GGA2: variants seen among roughly 807,000 people sequenced by gnomAD.
The protein encoded by GGA2 is golgi associated, gamma adaptin ear containing, ARF binding protein 2.
A neutral mutation model predicts 79.5 loss-of-function variants in GGA2; 48 were observed. That is an observed-to-expected ratio of 0.60 (90% CI 0.48 to 0.77). The LOEUF (loss-of-function observed/expected upper bound fraction) is 0.77, where lower values mean the gene tolerates loss of function less well. Among genes scored for constraint, GGA2 ranks in the 30% least tolerant of loss-of-function variants. GGA2 has a pLI of 0.00. For synonymous variants in GGA2, 317 were observed against 302.0 expected, an observed-to-expected ratio of 1.05 and a Z score of -0.51; for missense variants, 770 against 774.0, an observed-to-expected ratio of 0.99 and a Z score of 0.06.
chr16:23,472,887 A>T (rs1964528774), intron 14 of GGA2, among the ~76,000 whole-genome samples: 2 of 151,646 alleles, frequency 1.3e-5, no homozygotes, highest in South Asian at 4.2e-4. Flanking sequence ...ACAAAAAAGT[A>T]GCTGGGCGTG....
intron 14 of GGA2, 120 bp downstream of exon 14, chr16:23,474,784 C>T: frequency 1.3e-6 from 1 of 769,136 alleles, no homozygotes; most frequent in Non-Finnish European, 2.3e-6. Flanking sequence ...CATGCAAAAT[C>T]TCTCCCATTT....
exon 1 of GGA2, chr16:23,521,991 GAA>G: frequency 3.4e-6 from 1 of 294,060 alleles, no homozygotes; most frequent in Non-Finnish European, 6.8e-6. Flanking sequence ...ATCTGTAACA[GAA>G]AAAAAAAATA....
At chr16:23,519,138 G>A (rs1965120803) in intron 2 of GGA2, among the ~76,000 whole-genome samples, 1 of 150,060 alleles carries the variant, frequency 6.7e-6, no homozygotes, top group African/African-American at 2.5e-5. Context: ...ACCTCCCTGG[G>A]CTCAGGTGAT....
chr16:23,467,599 G>A lies in GGA2; in HGVS notation c.1833C>T (p.Gly611=), dbSNP rs550362454. ...TCCATCTTGTGAAAAGTTAGGCTGC[G>A]CCCAAGACAGCCAGGTCTGGGAAGT... ...VKDFPDLAVL[G]AA Residue 611 remains glycine, a synonymous_variant, in exon 17 of 17, where the codon GGC becomes GGT. Transcript: ENST00000309859. 1.7e-5 allele frequency: 26 copies of A among 1,549,380 alleles called. No individual in the cohort carries two copies. Among genetic ancestry groups the A allele is most frequent in the Middle Eastern group, 1.7e-4 (1 of 5,930 alleles).
chr16:23,518,051 T>C (rs1022618301), intron 2 of GGA2, among the ~76,000 whole-genome samples: 3 of 152,064 alleles, frequency 2.0e-5, no homozygotes, highest in African/African-American at 7.2e-5. Context: ...TAGCTGGGAT[T>C]ACAGGTGCGC....
intron 4 of GGA2, among the ~76,000 whole-genome samples, chr16:23,493,050 C>T (rs1596989233): frequency 6.6e-6 from 1 of 152,174 alleles, no homozygotes; most frequent in Non-Finnish European, 1.5e-5. Flanking sequence ...GAAACTTTCA[C>T]GCCACCCCTG....
rs190230237 is a variant in GGA2 at position 23,472,541 on chromosome 16, C to T, written c.1450+2363G>A. Among the ~76,000 whole-genome samples, 387 of 151,394 alleles carry T rather than the reference C, an allele frequency of 2.6e-3. 4 individuals carry two copies. The highest frequency in any genetic ancestry group is 3.6e-3 in the Non-Finnish European group (243 of 67,862). On this transcript the variant is annotated intron_variant, in intron 14 of 16. Coordinates refer to ENST00000309859, the MANE Select transcript of GGA2 (RefSeq NM_015044.4). ...AGCAAACAGGTAGAAAGAAATTGAC[C>T]TTCAGAGAAGGACTTAATAAGCTGG...
upstream of GGA2, among the ~76,000 whole-genome samples, chr16:23,513,163 A>G (rs1217108017): frequency 6.6e-6 from 1 of 151,930 alleles, no homozygotes; most frequent in African/African-American, 2.4e-5. Context: ...CCATCCTTCA[A>G]CTCCTGAAAC....
intron 1 of GGA2, among the ~76,000 whole-genome samples, chr16:23,501,860 C>T (rs1326642860): frequency 6.6e-6 from 1 of 152,152 alleles, no homozygotes; most frequent in Non-Finnish European, 1.5e-5. Context: ...GTGCCAGGTG[C>T]TTTCTGCCCT....
rs531159323 is a variant in GGA2 at position 23,466,394 on chromosome 16, T to A, written c.*1196A>T. On this transcript the variant is annotated 3_prime_UTR_variant, in exon 17 of 17. Coordinates refer to ENST00000309859, the MANE Select transcript of GGA2 (RefSeq NM_015044.4). ...GTGGGAATTGATTATAAACTTGAATTCTTCCATCAACAAATATCCACCTCT... is the reference window on the plus strand; with the variant it reads ...GTGGGAATTGATTATAAACTTGAATACTTCCATCAACAAATATCCACCTCT... 3.0e-4 allele frequency: 46 copies of A among 152,316 alleles called. No individual in the cohort carries two copies. Among genetic ancestry groups the A allele is most frequent in the Middle Eastern group, 3.4e-3 (1 of 294 alleles). The allele number at this position is 152,316 out of a possible 1,614,324, so 9.4% of individuals were successfully genotyped here.
At position 23,465,187 on chromosome 16, in the gene GGA2, T is replaced by C. The variant is rs767297240; in HGVS notation, c.*2403A>G. The C allele has an allele frequency of 1.6e-5, 10 of 617,948 alleles. No homozygotes were observed. The highest frequency in any genetic ancestry group is 5.5e-5 in the East Asian group (2 of 36,518). 38.3% of individuals were successfully genotyped at this position (617,948 alleles called of 1,614,324 possible). A position where few individuals can be genotyped will look rare whatever the true frequency, so the allele number is the denominator to read the frequency against. The stretch of plus-strand genomic sequence containing the variant: ...AAAAAACAGAGACACGGTCTCACTA[T>C]GTAGCCCAGGCTGGACTTGAAATCC... On this transcript the variant is annotated 3_prime_UTR_variant, in exon 17 of 17. Coordinates refer to ENST00000309859, the MANE Select transcript of GGA2 (RefSeq NM_015044.4).
At chr16:23,512,555 T>C (rs1349581826), upstream of GGA2, among the ~76,000 whole-genome samples, 1 of 73,900 alleles carries the variant, frequency 1.4e-5, no homozygotes, top group Non-Finnish European at 2.5e-5. Context: ...AATACTGTTC[T>C]GGGAACACAC....
At chr16:23,493,954 G>A (rs1422657860) in intron 3 of GGA2, 3 of 346,250 alleles carry the variant, frequency 8.7e-6, no homozygotes, top group Admixed American at 4.2e-5. Context: ...GCAACCCTGA[G>A]CCCATACTCA....
chr16:23,475,613 G>C (rs1000720230), intron 13 of GGA2, among the ~76,000 whole-genome samples: 1 of 151,694 alleles, frequency 6.6e-6, no homozygotes, highest in African/African-American at 2.4e-5. Flanking sequence ...TGTATGAAAA[G>C]CACTTAGAGG....
At chr16:23,472,463 G>A (rs973211605) in intron 14 of GGA2, among the ~76,000 whole-genome samples, 3 of 151,666 alleles carry the variant, frequency 2.0e-5, no homozygotes, top group African/African-American at 7.3e-5. Context: ...CTCCCAACGT[G>A]CTGGGATTAC....
At chr16:23,518,113 A>G (rs1372493513) in intron 2 of GGA2, among the ~76,000 whole-genome samples, 1 of 148,860 alleles carries the variant, frequency 6.7e-6, no homozygotes, top group Non-Finnish European at 1.5e-5. Context: ...GCATTTCACC[A>G]TGTTGGTCAG....
At position 23,465,366 on chromosome 16, in the gene GGA2, G is replaced by A. The variant is rs1260656434; in HGVS notation, c.*2224C>T. 4 of 702,810 alleles carry A rather than the reference G, an allele frequency of 5.7e-6. No individual in the cohort carries two copies. Among genetic ancestry groups the A allele is most frequent in the African/African-American group, 1.7e-5 (1 of 57,260 alleles). The allele number at this position is 702,810 out of a possible 1,614,324, so 43.5% of individuals were successfully genotyped here. On this transcript the variant is annotated 3_prime_UTR_variant, in exon 17 of 17. Transcript: ENST00000309859. ...GACTTGCTGATTAGAAGGGAGTGAT[G>A]CCATAAACCACAGCCACTTTCAGGA... is the stretch of plus-strand genomic sequence containing the variant.
intron 2 of GGA2, 146 bp downstream of exon 2, chr16:23,495,548 T>C (rs1211493580): frequency 1.6e-5 from 7 of 446,386 alleles, no homozygotes; most frequent in Admixed American, 3.7e-5. Flanking sequence ...CCTCCTGCCT[T>C]GGTCTCCCAA....
In GGA2 at chr16:23,465,445, G is replaced by T. The variant is rs970866866; in HGVS notation, c.*2145C>A. The T allele has an allele frequency of 1.4e-6, 1 of 702,534 alleles. No individual in the cohort carries two copies. Among genetic ancestry groups the T allele is most frequent in the Admixed American group, 2.0e-5 (1 of 49,898 alleles). 43.5% of individuals were successfully genotyped at this position (702,534 alleles called of 1,614,324 possible). On this transcript the variant is annotated 3_prime_UTR_variant, in exon 17 of 17. Transcript: ENST00000309859. ...CTATCCTGTCCAACACCTAAGCATAGTAGTACCACTGGGAGTCTGTCTCCT... is the reference window on the plus strand; with the variant it reads ...CTATCCTGTCCAACACCTAAGCATATTAGTACCACTGGGAGTCTGTCTCCT...
Sources: gnomAD v4.1 joint callset for allele counts (sites outside exome capture counted in the v4.1 genomes callset) on GRCh38, gnomAD v4.1.1 for gene constraint, MANE v1.5 for transcripts, NCBI Gene and HGNC (gene_info 2026-07-23, HGNC 2026-07-21) for gene names.